Variants in TRAPPC8 observed in about 807,000 individuals in gnomAD.
The protein encoded by TRAPPC8 is general sporulation gene 1 homolog.
In TRAPPC8, 54 loss-of-function variants were observed where a neutral mutation model predicts 174.3. The observed-to-expected ratio is 0.31, with a 90% CI of 0.25 to 0.39. TRAPPC8 has a LOEUF of 0.39. TRAPPC8 is among the 10% of genes least tolerant of loss of function. The pLI, the probability that TRAPPC8 is intolerant of heterozygous loss-of-function variation, is 1.00. For synonymous variants in TRAPPC8, 630 were observed against 579.9 expected (o/e 1.09, Z -1.24); for missense variants, 1,531 against 1,699.1 (o/e 0.90, Z 1.74).
intron 25 of TRAPPC8, 97 bp downstream of exon 25, chr18:31,849,468 TA>T: frequency 9.3e-7 from 1 of 1,079,242 alleles, no homozygotes. Flanking sequence ...CTAGAAAAGA[TA>T]AGCATAAAAA....
rs866318852 is a variant in TRAPPC8 at position 31,843,382 on chromosome 18, G to C, written c.3837+3334C>G. 6.6e-5 allele frequency among the ~76,000 whole-genome samples: 10 copies of C among 152,226 alleles called. No individual in the cohort carries two copies. In the South Asian group the frequency reaches 1.4e-3, roughly 22 times the overall value. Reference sequence around the variant, plus strand: ...AACATAAGCACACATATAAGTTCTGGAAATAGAATATTTGCTAAAGGAAAT... The same window carrying C: ...AACATAAGCACACATATAAGTTCTGCAAATAGAATATTTGCTAAAGGAAAT... On this transcript the variant is annotated intron_variant, in intron 26 of 28. Transcript: ENST00000283351.
rs372984104 is a variant in TRAPPC8 at position 31,883,768 on chromosome 18, G to C, written c.1728+6967C>G. The stretch of plus-strand genomic sequence containing the variant: ...CAGAAGAAACCCAAAAGTGGTAACA[G>C]TTCTAAAAATCTAAAAGTTTTTAGA... On this transcript the variant is annotated intron_variant, in intron 12 of 28. Transcript: ENST00000283351. 1.3e-4 allele frequency: 20 copies of C among 152,334 alleles called. No individual in the cohort carries two copies. The East Asian group carries it at 3.5e-3, about 26-fold the overall frequency. The allele number at this position is 152,334 out of a possible 1,614,324, so 9.4% of individuals were successfully genotyped here. A position where few individuals can be genotyped will look rare whatever the true frequency, so the allele number is the denominator to read the frequency against.
intron 26 of TRAPPC8, 89 bp from the exon 27 acceptor site, chr18:31,839,546 A>G: frequency 8.1e-7 from 1 of 1,237,068 alleles, no homozygotes; most frequent in Non-Finnish European, 1.1e-6. Flanking sequence ...CAAAAGTTAA[A>G]ATCAGCAGAG....
intron 12 of TRAPPC8, 40 bp downstream of exon 12, chr18:31,890,690 TATAAA>T: frequency 6.4e-7 from 1 of 1,570,520 alleles, no homozygotes; most frequent in Non-Finnish European, 8.6e-7. Flanking sequence ...GACACACATT[TATAAA>T]ATAAATAGCA....
At chr18:31,935,857 T>C (rs1367361432) in intron 1 of TRAPPC8, among the ~76,000 whole-genome samples, 2 of 151,482 alleles carry the variant, frequency 1.3e-5, no homozygotes, top group East Asian at 4.0e-4. Context: ...TGCCTCAGCC[T>C]CCCGAGTAGC....
At chr18:31,885,266 C>T (rs1301094699) in intron 12 of TRAPPC8, among the ~76,000 whole-genome samples, 1 of 152,094 alleles carries the variant, frequency 6.6e-6, no homozygotes, top group Non-Finnish European at 1.5e-5. Flanking sequence ...CTGTATATTC[C>T]TACAAACATA....
At chr18:31,908,632 A>T in intron 7 of TRAPPC8, 122 bp downstream of exon 7, 1 of 1,078,334 alleles carries the variant, frequency 9.3e-7, no homozygotes, top group Non-Finnish European at 1.3e-6. Context: ...TAATTTTGGG[A>T]AGTCTTAATA....
At position 31,942,987 on chromosome 18, in the gene TRAPPC8, GT is replaced by G. The variant is rs2038418878; in HGVS notation, c.-224del. 6 of 937,124 alleles carry G rather than the reference GT, an allele frequency of 6.4e-6. No individual in the cohort carries two copies. The highest frequency in any genetic ancestry group is 7.0e-6 in the Non-Finnish European group (5 of 717,054). The allele number at this position is 937,124 out of a possible 1,614,324, so 58.1% of individuals were successfully genotyped here. A position where few individuals can be genotyped will look rare whatever the true frequency, so the allele number is the denominator to read the frequency against. ...CCGTCACCGCCGCTTCTCAGCGCTC[GT>G]CCCCGCGTGCTCGCATTCCACCCCG... On this transcript the variant is annotated 5_prime_UTR_variant, in exon 1 of 29. An upstream open reading frame in the 5' UTR loses its in-frame stop. Transcript: ENST00000283351.
intron 14 of TRAPPC8, among the ~76,000 whole-genome samples, chr18:31,872,005 T>C (rs2034888724): frequency 5.3e-5 from 8 of 152,052 alleles, no homozygotes. Flanking sequence ...ATTTAGGGGG[T>C]ACAAGTTATG....
chr18:31,920,468 TG>T (rs1163503312), intron 2 of TRAPPC8, among the ~76,000 whole-genome samples: 1 of 152,176 alleles, frequency 6.6e-6, no homozygotes, highest in Non-Finnish European at 1.5e-5. Context: ...AACAATTTCA[TG>T]TTCATGCAAT....
intron 14 of TRAPPC8, among the ~76,000 whole-genome samples, chr18:31,873,119 G>A (rs573705469): frequency 1.1e-4 from 15 of 137,436 alleles, no homozygotes; most frequent in Admixed American, 4.1e-4. Context: ...CCGGGTTCAC[G>A]CCATTCTCCT....
chr18:31,893,995 G>A (rs943635308), intron 11 of TRAPPC8, among the ~76,000 whole-genome samples: 1 of 152,074 alleles, frequency 6.6e-6, no homozygotes, highest in Non-Finnish European at 1.5e-5. Flanking sequence ...TGATTCTAAC[G>A]CACAATCCAG....
intron 2 of TRAPPC8, among the ~76,000 whole-genome samples, chr18:31,924,284 T>C (rs2037515741): frequency 7.3e-6 from 1 of 136,944 alleles, no homozygotes; most frequent in East Asian, 2.6e-4. Flanking sequence ...AGAATCCGTC[T>C]CAAAAAAAAA....
chr18:31,830,507 C>A lies in TRAPPC8; in HGVS notation c.*248G>T. The A allele has an allele frequency of 2.2e-6, 1 of 452,406 alleles. No individual in the cohort carries two copies. The highest frequency in any genetic ancestry group is 3.9e-6 in the Non-Finnish European group (1 of 254,084). The allele number at this position is 452,406 out of a possible 1,614,324, so 28.0% of individuals were successfully genotyped here. On this transcript the variant is annotated 3_prime_UTR_variant, in exon 29 of 29. Transcript: ENST00000283351. ...TTAAGATGGGGCTTAATAAGGTGCA[C>A]AAATATGCTGATATCCTGTATTATG...
intron 5 of TRAPPC8, among the ~76,000 whole-genome samples, chr18:31,910,159 T>C (rs1181273677): frequency 2.6e-5 from 4 of 152,164 alleles, no homozygotes; most frequent in Admixed American, 6.5e-5. Context: ...GAGGCACAGA[T>C]ATGAAATTCT....
At chr18:31,930,653 G>A (rs970477247) in intron 2 of TRAPPC8, among the ~76,000 whole-genome samples, 3 of 151,922 alleles carry the variant, frequency 2.0e-5, no homozygotes, top group Non-Finnish European at 4.4e-5. Flanking sequence ...ATAATTTCAG[G>A]CTGGGAACAG....
intron 19 of TRAPPC8, among the ~76,000 whole-genome samples, chr18:31,862,199 C>T (rs1230384648): frequency 6.6e-6 from 1 of 152,074 alleles, no homozygotes; most frequent in Non-Finnish European, 1.5e-5. Context: ...TCATCATCAG[C>T]TTTTTAACTC....
chr18:31,890,062 T>G (rs1321737167), intron 12 of TRAPPC8, among the ~76,000 whole-genome samples: 1 of 152,220 alleles, frequency 6.6e-6, no homozygotes, highest in African/African-American at 2.4e-5. Flanking sequence ...ATGTTGACTT[T>G]ATGGGTGAAT....
Position 31,882,377 on chromosome 18 carries a change from T to A in TRAPPC8, c.1729-7673A>T, listed in dbSNP as rs1319112059. Among the ~76,000 whole-genome samples the A allele has an allele frequency of 1.3e-5, 2 of 152,046 alleles. 1 individual carries two copies. The highest frequency in any genetic ancestry group is 4.8e-5 in the African/African-American group (2 of 41,374). On this transcript the variant is annotated intron_variant, in intron 12 of 28. Coordinates refer to ENST00000283351, the MANE Select transcript of TRAPPC8 (RefSeq NM_014939.5). ...AATGGAGAATCAAATAGGCATGCTC[T>A]CACTTATAAGTGGGAGCTAAACAAT...
Sources: allele counts gnomAD v4.1 joint callset (sites outside exome capture counted in the v4.1 genomes callset), GRCh38; gene constraint gnomAD v4.1.1; transcripts MANE v1.5; gene names NCBI Gene and HGNC (gene_info 2026-07-23, HGNC 2026-07-21).